The following CYBC1 variants were observed in gnomAD, a reference collection of about 807,000 sequenced individuals.
The protein encoded by CYBC1 is cytochrome b-245 chaperone 1, also known as essential for reactive oxygen species protein.
A neutral mutation model predicts 21.7 loss-of-function variants in CYBC1; 22 were observed. The ratio of observed to expected loss-of-function variants is 1.02; its 90% confidence interval spans 0.73 to 1.45. The LOEUF is 1.45. CYBC1 is among the 40% of genes most tolerant of loss of function. The pLI is 0.00. For synonymous variants in CYBC1, 112 were observed against 98.7 expected (o/e 1.13, Z -0.80); for missense variants, 237 against 242.1 (o/e 0.98, Z 0.14).
rs756330173 is a variant in CYBC1 at position 82,443,644 on chromosome 17, C to T, written c.*360G>A. The T allele has an allele frequency of 1.6e-5, 12 of 751,212 alleles. No homozygotes were observed. The highest frequency in any genetic ancestry group is 2.7e-5 in the Non-Finnish European group (11 of 412,052). The allele number at this position is 751,212 out of a possible 1,614,324, so 46.5% of individuals were successfully genotyped here. A position where few individuals can be genotyped will look rare whatever the true frequency, so the allele number is the denominator to read the frequency against. ...ACCTCCGGCTGCAGAAAGGCAGGCC[C>T]AGGCCTCACGATGGAGAAAGTCTGG... On this transcript the variant is annotated 3_prime_UTR_variant, in exon 7 of 7. Transcript: ENST00000306645. This position sits in a 1 kb window ranked among gnomAD's most constrained non-coding sequence, Gnocchi z 6.7.
At chr17:82,447,510 T>G in intron 3 of CYBC1, 70 bp downstream of exon 3, 1 of 1,343,142 alleles carries the variant, frequency 7.4e-7, no homozygotes, top group Non-Finnish European at 1.0e-6. Context: ...AAATGACAGT[T>G]TTTCCTTCTT....
chr17:82,444,831 G>A (rs188206306), intron 5 of CYBC1: 2 of 519,978 alleles, frequency 3.8e-6, no homozygotes, highest in East Asian at 3.2e-5. Context: ...TGCACAGCCC[G>A]CTGGTTCTCC....
rs757510792 is a variant in CYBC1, at chr17:82,443,838, G to A, written c.*166C>T. On this transcript the variant is annotated 3_prime_UTR_variant, in exon 7 of 7. Coordinates refer to ENST00000306645, the MANE Select transcript of CYBC1 (RefSeq NM_001033046.4). The surrounding 1 kb of genome is among the most constrained non-coding windows in gnomAD (Gnocchi z 6.7). Reference sequence around the variant, plus strand: ...GCCACGGGTCCTGTGGGCGGTGCACGGGCTCAGGCACACCGGGAATGTGCC... The same window carrying A: ...GCCACGGGTCCTGTGGGCGGTGCACAGGCTCAGGCACACCGGGAATGTGCC... 9.3e-4 allele frequency: 575 copies of A among 616,346 alleles called. No individual in the cohort carries two copies. Among genetic ancestry groups the A allele is most frequent in the Non-Finnish European group, 1.2e-3 (425 of 353,080 alleles). 38.2% of individuals were successfully genotyped at this position (616,346 alleles called of 1,614,324 possible). A position where few individuals can be genotyped will look rare whatever the true frequency, so the allele number is the denominator to read the frequency against.
rs1279922986 is a variant in CYBC1, at chr17:82,442,644, G to A, written c.*1360C>T. 1 of 1,492,838 alleles carries A rather than the reference G, an allele frequency of 6.7e-7. No individual in the cohort carries two copies. Among genetic ancestry groups the A allele is most frequent in the Non-Finnish European group, 9.1e-7 (1 of 1,100,750 alleles). The allele number at this position is 1,492,838 out of a possible 1,614,324, so 92.5% of individuals were successfully genotyped here. On this transcript the variant is annotated 3_prime_UTR_variant, in exon 7 of 7. Coordinates refer to ENST00000306645, the MANE Select transcript of CYBC1 (RefSeq NM_001033046.4). The surrounding 1 kb of genome is among the most constrained non-coding windows in gnomAD (Gnocchi z 6.8). ...GAAATAAAGAGTGGAAGCTGCAGGT[G>A]ACACGTGAAGGGTTATTTATGGTTA... is the stretch of plus-strand genomic sequence containing the variant.
In CYBC1 at chr17:82,443,602, A is replaced by G; in HGVS notation, c.*402T>C. ...AGGTCTTGCTGTGGCCCAAAGCAGG[A>G]GTCCAGGGCTGGCGAGACCTCCGGC... On this transcript the variant is annotated 3_prime_UTR_variant, in exon 7 of 7. Coordinates refer to ENST00000306645, the MANE Select transcript of CYBC1 (RefSeq NM_001033046.4). The surrounding 1 kb of genome is among the most constrained non-coding windows in gnomAD (Gnocchi z 6.7). 1 of 708,960 alleles carries G rather than the reference A, an allele frequency of 1.4e-6. No individual in the cohort carries two copies. Among genetic ancestry groups the G allele is most frequent in the Non-Finnish European group, 2.6e-6 (1 of 388,560 alleles). The allele number at this position is 708,960 out of a possible 1,614,324, so 43.9% of individuals were successfully genotyped here.
chr17:82,446,458 C>A (rs545138768), intron 4 of CYBC1, among the ~76,000 whole-genome samples, 165 bp downstream of exon 4: 2 of 152,326 alleles, frequency 1.3e-5, no homozygotes, highest in African/African-American at 4.8e-5. Context: ...CAGATGAGTG[C>A]AGGGGCCATG....
chr17:82,447,555 G>A (rs756051478), intron 3 of CYBC1, 25 bp downstream of exon 3: 9 of 1,578,276 alleles, frequency 5.7e-6, no homozygotes, highest in Middle Eastern at 1.7e-4. Flanking sequence ...ACAGTCATGG[G>A]GGGGTGGGGC....
rs1468748237 is a variant in CYBC1 at position 82,444,488 on chromosome 17, G to A, written c.402C>T (p.Phe134=). Residue 134 remains phenylalanine (F), a synonymous_variant, in exon 6 of 7, where the codon TTC becomes TTT. Transcript: ENST00000306645. The stretch of plus-strand genomic sequence containing the variant: ...CTGCACTCTGCGTGAGGGGGTGGGA[G>A]AAGCCCGTCGCAAGCCGGAGCACCA... The part of the protein sequence containing the change: ...YMVVLRLATG[F]SHPLTQSAVM... 3 of 1,613,818 alleles carry A rather than the reference G, an allele frequency of 1.9e-6. No homozygotes were observed. The highest frequency in any genetic ancestry group is 2.5e-6 in the Non-Finnish European group (3 of 1,179,850).
Position 82,447,567 on chromosome 17 carries a change from G to T in CYBC1, c.127+13C>A, listed in dbSNP as rs201014706. On this transcript the variant is annotated intron_variant, in intron 3 of 6. Coordinates refer to ENST00000306645, the MANE Select transcript of CYBC1 (RefSeq NM_001033046.4). ...GAGACAGTCATGGGGGGGTGGGGCG[G>T]GGGGTGCTTTACCTCCGCTGTAGTA... 2.2e-4 allele frequency: 338 copies of T among 1,556,254 alleles called. No individual in the cohort carries two copies. The highest frequency in any genetic ancestry group is 1.7e-4 in the Middle Eastern group (1 of 5,872).
In CYBC1 at chr17:82,443,190, C is replaced by A; in HGVS notation, c.*814G>T. ...CCTCCGAAAGTGCTGGGATTACTGG[C>A]ATGAACCACTGCGCCCGGCTGGAGC... On this transcript the variant is annotated 3_prime_UTR_variant, in exon 7 of 7. Transcript: ENST00000306645. This position sits in a 1 kb window ranked among gnomAD's most constrained non-coding sequence, Gnocchi z 6.7. The A allele has an allele frequency of 6.7e-6, 2 of 297,692 alleles. No individual in the cohort carries two copies. Among genetic ancestry groups the A allele is most frequent in the South Asian group, 6.3e-5 (2 of 31,894 alleles). The allele number at this position is 297,692 out of a possible 1,614,324, so 18.4% of individuals were successfully genotyped here.
intron 6 of CYBC1, 131 bp from the exon 7 acceptor site, chr17:82,444,255 T>G: frequency 6.9e-7 from 1 of 1,455,714 alleles, no homozygotes. Flanking sequence ...ACCCAGCACT[T>G]CCTGGCCTGC....
At chr17:82,448,861 G>A in intron 2 of CYBC1, 1 of 323,088 alleles carries the variant, frequency 3.1e-6, no homozygotes, top group Non-Finnish European at 5.7e-6. Context: ...GGGAGGAGGA[G>A]ACATGGGAAC....
chr17:82,447,642 C>G, intron 2 of CYBC1, 21 bp from the exon 3 acceptor site: 3 of 1,582,490 alleles, frequency 1.9e-6, no homozygotes, highest in Non-Finnish European at 2.6e-6. Flanking sequence ...AAAGTGACTG[C>G]CTGCCTATTG....
chr17:82,450,550 CGA>C (rs1293902397), intron 1 of CYBC1, 148 bp downstream of exon 1: 2 of 152,248 alleles, frequency 1.3e-5, no homozygotes, highest in Non-Finnish European at 2.9e-5. Context: ...GGAACAGGCG[CGA>C]GGCCGCCCGC....
intron 5 of CYBC1, chr17:82,445,503 G>A (rs1050695941): frequency 5.6e-6 from 1 of 179,114 alleles, no homozygotes; most frequent in Non-Finnish European, 1.2e-5. Flanking sequence ...GTGGCTGCCA[G>A]GCAGACGGGA....
At position 82,443,280 on chromosome 17, in the gene CYBC1, G is replaced by T; in HGVS notation, c.*724C>A. 2.7e-6 allele frequency: 1 copy of T among 367,046 alleles called. No homozygotes were observed. The highest frequency in any genetic ancestry group is 5.3e-6 in the Non-Finnish European group (1 of 187,456). The allele number at this position is 367,046 out of a possible 1,614,324, so 22.7% of individuals were successfully genotyped here. A position where few individuals can be genotyped will look rare whatever the true frequency, so the allele number is the denominator to read the frequency against. Reference sequence around the variant, plus strand: ...CCTTTTTTCTGGCCTCACAGCTTATGCTGAAGCTGAGTGTGAGGAACAGAG... The same window carrying T: ...CCTTTTTTCTGGCCTCACAGCTTATTCTGAAGCTGAGTGTGAGGAACAGAG... On this transcript the variant is annotated 3_prime_UTR_variant, in exon 7 of 7. Coordinates refer to ENST00000306645, the MANE Select transcript of CYBC1 (RefSeq NM_001033046.4). The surrounding 1 kb of genome is among the most constrained non-coding windows in gnomAD (Gnocchi z 6.7).
intron 5 of CYBC1, chr17:82,444,797 C>T (rs1443557172): frequency 3.3e-6 from 2 of 601,650 alleles, no homozygotes; most frequent in Non-Finnish European, 2.8e-6. Context: ...AGGACGTGCC[C>T]GCGGTGCAGG....
Position 82,443,468 on chromosome 17 carries a change from G to A in CYBC1, c.*536C>T. The A allele has an allele frequency of 1.5e-6, 1 of 674,038 alleles. No homozygotes were observed. The highest frequency in any genetic ancestry group is 2.7e-6 in the Non-Finnish European group (1 of 366,706). 41.8% of individuals were successfully genotyped at this position (674,038 alleles called of 1,614,324 possible). A position where few individuals can be genotyped will look rare whatever the true frequency, so the allele number is the denominator to read the frequency against. Reference sequence around the variant, plus strand: ...TTCACCCCTCACTGCCCTTGGGGAAGCACCTGACCGCTGGGGATGTCCACC... The same window carrying A: ...TTCACCCCTCACTGCCCTTGGGGAAACACCTGACCGCTGGGGATGTCCACC... On this transcript the variant is annotated 3_prime_UTR_variant, in exon 7 of 7. Coordinates refer to ENST00000306645, the MANE Select transcript of CYBC1 (RefSeq NM_001033046.4). This position sits in a 1 kb window ranked among gnomAD's most constrained non-coding sequence, Gnocchi z 6.7.
rs113066339 is a variant in CYBC1, at chr17:82,443,774, C to T, written c.*230G>A. 0.026 allele frequency: 23,047 copies of T among 891,068 alleles called. 763 individuals are homozygous for T. The highest frequency in any genetic ancestry group is 0.12 in the African/African-American group (7,354 of 59,446). The allele number at this position is 891,068 out of a possible 1,614,324, so 55.2% of individuals were successfully genotyped here. A position where few individuals can be genotyped will look rare whatever the true frequency, so the allele number is the denominator to read the frequency against. ...ACCAACTGAAGCCAAGGCCACGGGT[C>T]CTGTGGGCGGTGCACGGGCTCAGGC... is the stretch of plus-strand genomic sequence containing the variant. On this transcript the variant is annotated 3_prime_UTR_variant, in exon 7 of 7. Transcript: ENST00000306645. The surrounding 1 kb of genome is among the most constrained non-coding windows in gnomAD (Gnocchi z 6.7).
Sources: gnomAD v4.1 joint callset for allele counts (sites outside exome capture counted in the v4.1 genomes callset) on GRCh38, gnomAD v4.1.1 for gene constraint, Gnocchi (gnomAD v3.1) non-coding constraint, MANE v1.5 for transcripts, NCBI Gene and HGNC (gene_info 2026-07-23, HGNC 2026-07-21) for gene names.